Variants in CEACAM5 observed in about 807,000 individuals in gnomAD.
CEACAM5 encodes the protein cell adhesion molecule CEACAM5.
Under a neutral mutation model 63.0 loss-of-function variants are expected in CEACAM5, and 52 were observed. The observed-to-expected ratio is 0.83, with a 90% CI of 0.66 to 1.04. The LOEUF is 1.04. Among genes scored for constraint, CEACAM5 ranks in the 50% least tolerant of loss-of-function variants. The pLI is 0.00. For missense variants in CEACAM5, 790 were observed against 864.8 expected (o/e 0.91, Z 1.08); for synonymous variants, 357 against 351.3 (o/e 1.02, Z -0.18).
At chr19:41,711,456 A>G (rs2072434671) in intron 2 of CEACAM5, among the ~76,000 whole-genome samples, 2 of 152,180 alleles carry the variant, frequency 1.3e-5, no homozygotes, top group Admixed American at 1.3e-4. Flanking sequence ...CATAACCTCT[A>G]TAGAGACTGG....
chr19:41,727,475 C>G, intron 9 of CEACAM5, 123 bp downstream of exon 9: 1 of 661,936 alleles, frequency 1.5e-6, no homozygotes, highest in Admixed American at 2.6e-5. Flanking sequence ...CCCCAAGCTC[C>G]TGCTTCTCAG....
intron 9 of CEACAM5, among the ~76,000 whole-genome samples, chr19:41,728,155 T>C (rs2072724860): frequency 6.6e-6 from 1 of 152,146 alleles, no homozygotes; most frequent in Non-Finnish European, 1.5e-5. Flanking sequence ...TCATAACAGA[T>C]ACAGAAATGA....
chr19:41,711,231 G>A (rs144180538), intron 2 of CEACAM5, among the ~76,000 whole-genome samples: 281 of 152,162 alleles, frequency 1.8e-3, no homozygotes, highest in African/African-American at 6.6e-3. Context: ...GGTCAGTGCC[G>A]GGATTGTCCA....
In CEACAM5 at chr19:41,717,845, A is replaced by G; in HGVS notation, c.1237+112A>G. 3 of 1,377,176 alleles carry G rather than the reference A, an allele frequency of 2.2e-6. No individual in the cohort carries two copies. In the South Asian group the frequency reaches 4.0e-5, roughly 18 times the overall value. The allele number at this position is 1,377,176 out of a possible 1,614,324, so 85.3% of individuals were successfully genotyped here. On this transcript the variant is annotated intron_variant, in intron 5 of 9. Transcript: ENST00000221992. The stretch of plus-strand genomic sequence containing the variant: ...CAAGGACAGAGACTTTTACCCCTGG[A>G]CATCCAGGCTGGCCCTACCCCCAGC...
At chr19:41,722,891 T>TTTTGTTTG (rs372037041) in intron 8 of CEACAM5, among the ~76,000 whole-genome samples, 104 of 151,838 alleles carry the variant, frequency 6.8e-4, no homozygotes, top group African/African-American at 2.4e-3. Flanking sequence ...TAATTCTTTT[T>TTTTGTTTG]TTTGTTTGTT....
At chr19:41,720,301 G>C in intron 7 of CEACAM5, 93 bp downstream of exon 7, 1 of 1,445,914 alleles carries the variant, frequency 6.9e-7, no homozygotes, top group Non-Finnish European at 9.5e-7. Flanking sequence ...GGTCCAAAGA[G>C]GCAGACTCCC....
rs1225503230 is a variant in CEACAM5, at chr19:41,722,204, GAAA to G, written c.2026+1037_2026+1039del. Among the ~76,000 whole-genome samples the G allele has an allele frequency of 3.5e-5, 5 of 144,322 alleles. No homozygotes were observed. The East Asian group carries it at 1.0e-3, about 29-fold the overall frequency. The allele number at this position is 144,322 out of a possible 152,430, so 94.7% of individuals were successfully genotyped here. ...CCTGAGGTCAGGAGTTCAAGATACA[GAAA>G]AAAAAAAATAGCTAGGCATGGTGGT... is the stretch of plus-strand genomic sequence containing the variant. On this transcript the variant is annotated intron_variant, in intron 8 of 9. Transcript: ENST00000221992.
intron 2 of CEACAM5, among the ~76,000 whole-genome samples, chr19:41,711,692 G>T (rs1555814101): frequency 6.6e-6 from 1 of 152,132 alleles, no homozygotes; most frequent in African/African-American, 2.4e-5. Flanking sequence ...TACCCCGCAT[G>T]GCTCATTGCC....
Position 41,717,730 on chromosome 19 carries a change from C to CT in CEACAM5, c.1235dup (p.Tyr413LeufsTer30). ...CAGCGACCCAGTCATCCTGAATGTC[C>CT]TCTGTGAGTATCTTCTGTTCCTCTG... On this transcript the variant is annotated frameshift_variant, in exon 5 of 10. Coordinates refer to ENST00000221992, the MANE Select transcript of CEACAM5 (RefSeq NM_004363.6). LOFTEE classifies it high-confidence loss of function. 6.2e-7 allele frequency: 1 copy of CT among 1,613,592 alleles called. No homozygotes were observed. Among genetic ancestry groups the CT allele is most frequent in the South Asian group, 1.1e-5 (1 of 91,046 alleles).
intron 3 of CEACAM5, 151 bp downstream of exon 3, chr19:41,715,400 G>A: frequency 1.5e-6 from 2 of 1,304,702 alleles, no homozygotes; most frequent in Non-Finnish European, 2.2e-6. Context: ...AGAAAAACCT[G>A]GGCAGACCAA....
At chr19:41,713,760 C>T (rs1201009111) in intron 2 of CEACAM5, among the ~76,000 whole-genome samples, 2 of 152,250 alleles carry the variant, frequency 1.3e-5, no homozygotes, top group Non-Finnish European at 2.9e-5. Context: ...AGTTCTGTCT[C>T]ATAACTGTCA....
At chr19:41,726,527 C>T (rs2072701767) in intron 8 of CEACAM5, among the ~76,000 whole-genome samples, 1 of 152,164 alleles carries the variant, frequency 6.6e-6, no homozygotes, top group Non-Finnish European at 1.5e-5. Flanking sequence ...CACTGAGATT[C>T]AGCCAAGATG....
At chr19:41,716,399 G>T (rs1392249107) in intron 4 of CEACAM5, among the ~76,000 whole-genome samples, 2 of 152,246 alleles carry the variant, frequency 1.3e-5, no homozygotes, top group African/African-American at 4.8e-5. Flanking sequence ...TCCCCTGGGT[G>T]ACTGGCCTTG....
intron 8 of CEACAM5, among the ~76,000 whole-genome samples, chr19:41,725,135 C>T (rs1390924593): frequency 6.6e-6 from 1 of 152,128 alleles, no homozygotes; most frequent in Non-Finnish European, 1.5e-5. Flanking sequence ...TCCTTCCATT[C>T]ATAATTAGAG....
intron 8 of CEACAM5, among the ~76,000 whole-genome samples, chr19:41,723,732 G>A (rs1325776815): frequency 3.9e-5 from 6 of 151,966 alleles, no homozygotes; most frequent in African/African-American, 1.4e-4. Flanking sequence ...TAGATTACAA[G>A]GTCAGGAGAT....
At chr19:41,715,527 G>A (rs1196850794) in intron 3 of CEACAM5, 123 bp from the exon 4 acceptor site, 5 of 1,322,466 alleles carry the variant, frequency 3.8e-6, no homozygotes, top group Non-Finnish European at 4.3e-6. Context: ...AGATACAAGA[G>A]GGGTTTGGCT....
At position 41,714,856 on chromosome 19, in the gene CEACAM5, G is replaced by A. The variant is rs73932033; in HGVS notation, c.425-115G>A. On this transcript the variant is annotated intron_variant, in intron 2 of 9. Coordinates refer to ENST00000221992, the MANE Select transcript of CEACAM5 (RefSeq NM_004363.6). ...TCTTGTGACACATGCACCCACCGTG[G>A]GTTTTTAAGGGCTCAGGTGGGCTGA... 1,359 of 1,553,676 alleles carry A rather than the reference G, an allele frequency of 8.7e-4. 15 individuals carry two copies. In the African/African-American group the frequency reaches 0.017, roughly 19 times the overall value.
At chr19:41,716,559 G>T (rs2072530399) in intron 4 of CEACAM5, among the ~76,000 whole-genome samples, 1 of 152,164 alleles carries the variant, frequency 6.6e-6, no homozygotes, top group Non-Finnish European at 1.5e-5. Context: ...GGAGCCTCAG[G>T]GCAGACTCCT....
chr19:41,715,246 CTCTGTGAGTATA>C lies in CEACAM5; in HGVS notation c.703+2_703+13del. 2 of 1,614,230 alleles carry C rather than the reference CTCTGTGAGTATA, an allele frequency of 1.2e-6. No individual in the cohort carries two copies. The highest frequency in any genetic ancestry group is 1.7e-6 in the Non-Finnish European group (2 of 1,180,038). ...CAGTGATTCAGTCATCCTGAATGTCCTCTGTGAGTATATCTGCTCCTCTCTGGCCCAGGCTGC... is the reference window on the plus strand; with the variant it reads ...CAGTGATTCAGTCATCCTGAATGTCCTCTGCTCCTCTCTGGCCCAGGCTGC... On this transcript the variant is annotated splice_donor_variant and splice_donor_5th_base_variant and coding_sequence_variant and intron_variant, in exon 3 of 10. Coordinates refer to ENST00000221992, the MANE Select transcript of CEACAM5 (RefSeq NM_004363.6). LOFTEE classifies it high-confidence loss of function.
Sources: gnomAD v4.1 joint callset for allele counts (sites outside exome capture counted in the v4.1 genomes callset) on GRCh38, gnomAD v4.1.1 for gene constraint, MANE v1.5 for transcripts, NCBI Gene and HGNC (gene_info 2026-07-23, HGNC 2026-07-21) for gene names.